Variants in MYCT1 observed in about 807,000 individuals in gnomAD.
MYCT1 encodes MYC target 1.
Under a neutral mutation model 15.0 loss-of-function variants are expected in MYCT1, and 12 were observed. That is an observed-to-expected ratio of 0.80 (90% CI 0.51 to 1.29). MYCT1 has a LOEUF of 1.29. MYCT1 is among the 50% of genes most tolerant of loss of function. MYCT1 has a pLI of 0.00. For synonymous variants in MYCT1, 104 were observed against 102.7 expected (o/e 1.01, Z -0.07); for missense variants, 287 against 279.1 (o/e 1.03, Z -0.20).
At chr6:152,739,087 A>T in the MYCT1 span, among the ~76,000 whole-genome samples, 1 of 151,984 alleles carries the variant, frequency 6.6e-6, no homozygotes, top group South Asian at 2.1e-4. Context: ...TTTTTAGGAT[A>T]CACAAAGGAT....
At chr6:152,730,276 G>A in the MYCT1 span, among the ~76,000 whole-genome samples, 16 of 152,074 alleles carry the variant, frequency 1.1e-4, no homozygotes, top group Non-Finnish European at 2.2e-4. Flanking sequence ...ATCTTCAGAC[G>A]GAAAGTCCAA....
At chr6:152,715,637 T>C (rs767753419) in intron 1 of MYCT1, among the ~76,000 whole-genome samples, 30 of 152,192 alleles carry the variant, frequency 2.0e-4, no homozygotes, top group Non-Finnish European at 3.7e-4. Flanking sequence ...AAGAATTCCA[T>C]TTAGGCTTCA....
At chr6:152,703,940 T>TTTTTATTTA (rs2099721758) in intron 1 of MYCT1, among the ~76,000 whole-genome samples, 2 of 123,082 alleles carry the variant, frequency 1.6e-5, no homozygotes, top group Admixed American at 8.3e-5. Context: ...TTTTCCCTGT[T>TTTTTATTTA]TTTTATTTTA....
chr6:152,740,730 G>A, the MYCT1 span, among the ~76,000 whole-genome samples: 2 of 152,034 alleles, frequency 1.3e-5, no homozygotes, highest in African/African-American at 4.8e-5. Flanking sequence ...AAGAAAGTGA[G>A]AACAAAAGGA....
chr6:152,726,166 G>A (rs965175245), downstream of MYCT1, among the ~76,000 whole-genome samples: 2 of 152,050 alleles, frequency 1.3e-5, no homozygotes, highest in African/African-American at 4.8e-5. Flanking sequence ...GGAGGCCGAG[G>A]CGGGCAGATC....
chr6:152,721,670 A>G lies in MYCT1; in HGVS notation c.197-72A>G, dbSNP rs960420925. The G allele has an allele frequency of 6.5e-6, 9 of 1,382,930 alleles. No individual in the cohort carries two copies. In the Admixed American group the frequency reaches 1.4e-4, roughly 22 times the overall value. 85.7% of individuals were successfully genotyped at this position (1,382,930 alleles called of 1,614,324 possible). A position where few individuals can be genotyped will look rare whatever the true frequency, so the allele number is the denominator to read the frequency against. On this transcript the variant is annotated intron_variant, in intron 1 of 1. Coordinates refer to ENST00000367245, the MANE Select transcript of MYCT1 (RefSeq NM_025107.3). ...TCATGTATTCTTTGAATTACAGTAT[A>G]TATGCTGACCCTTGTTTTTAGTTGA... is the stretch of plus-strand genomic sequence containing the variant.
the MYCT1 span, among the ~76,000 whole-genome samples, chr6:152,733,785 C>G: frequency 6.6e-6 from 1 of 152,174 alleles, no homozygotes; most frequent in Admixed American, 6.5e-5. Context: ...TCACTAAGGT[C>G]TCTGTTCTTA....
rs755877373 is a variant in MYCT1, at chr6:152,697,950, T to C, written c.48T>C (p.Leu16=). Residue 16 remains leucine, a synonymous_variant, in exon 1 of 2, where the codon CTT becomes CTC. Transcript: ENST00000367245. Reference sequence around the variant, plus strand: ...GGTTGTGTAAAAATTATTTTTCTCTTGCTGTACTACAAAGAGATAGAATCA... The same window carrying C: ...GGTTGTGTAAAAATTATTTTTCTCTCGCTGTACTACAAAGAGATAGAATCA... The part of the protein sequence containing the change: ...YEGLCKNYFS[L]AVLQRDRIKL... 1.2e-6 allele frequency: 2 copies of C among 1,603,110 alleles called. No homozygotes were observed. Among genetic ancestry groups the C allele is most frequent in the African/African-American group, 1.4e-5 (1 of 73,796 alleles).
the MYCT1 span, among the ~76,000 whole-genome samples, chr6:152,730,994 G>A: frequency 1.3e-5 from 2 of 152,098 alleles, no homozygotes; most frequent in African/African-American, 4.8e-5. Context: ...GGTAGAAACA[G>A]AAAATAATAA....
At chr6:152,730,095 T>A in the MYCT1 span, among the ~76,000 whole-genome samples, 2 of 152,248 alleles carry the variant, frequency 1.3e-5, no homozygotes, top group Non-Finnish European at 2.9e-5. Context: ...CTTGTATTTT[T>A]CTTTTTCTTG....
intron 1 of MYCT1, among the ~76,000 whole-genome samples, chr6:152,717,072 T>C (rs1433153109): frequency 2.6e-5 from 4 of 152,124 alleles, no homozygotes; most frequent in Non-Finnish European, 5.9e-5. Context: ...GAATTACATA[T>C]ATGAAAATTT....
intron 1 of MYCT1, among the ~76,000 whole-genome samples, chr6:152,707,893 C>T (rs905595507): frequency 6.6e-6 from 1 of 151,918 alleles, no homozygotes; most frequent in Non-Finnish European, 1.5e-5. Context: ...GCTGTTTTGA[C>T]TATTATAGCT....
chr6:152,706,570 T>A (rs1030262379), intron 1 of MYCT1, among the ~76,000 whole-genome samples: 4 of 152,138 alleles, frequency 2.6e-5, no homozygotes, highest in Non-Finnish European at 5.9e-5. Context: ...TGACAACTTT[T>A]GTGTAATAAA....
At chr6:152,746,740 G>A in the MYCT1 span, among the ~76,000 whole-genome samples, 3 of 152,184 alleles carry the variant, frequency 2.0e-5, no homozygotes, top group East Asian at 1.9e-4. Context: ...TCAGGAAATC[G>A]TCTGATACAT....
chr6:152,703,187 C>G (rs2129068308), intron 1 of MYCT1, among the ~76,000 whole-genome samples: 1 of 152,256 alleles, frequency 6.6e-6, no homozygotes, highest in South Asian at 2.1e-4. Context: ...CCTATTGTAA[C>G]TATATGTAGT....
intron 1 of MYCT1, among the ~76,000 whole-genome samples, chr6:152,720,759 G>A (rs1319388954): frequency 1.3e-5 from 2 of 152,046 alleles, no homozygotes; most frequent in South Asian, 4.1e-4. Context: ...GAGGGGAAAC[G>A]TTGGGGACAA....
chr6:152,716,038 A>C (rs748001143), intron 1 of MYCT1, among the ~76,000 whole-genome samples: 3 of 152,206 alleles, frequency 2.0e-5, no homozygotes, highest in Non-Finnish European at 4.4e-5. Flanking sequence ...TGCATTGAGC[A>C]CATTGTTGGG....
the MYCT1 span, among the ~76,000 whole-genome samples, chr6:152,738,170 G>A: frequency 6.6e-6 from 1 of 152,004 alleles, no homozygotes; most frequent in Non-Finnish European, 1.5e-5. Flanking sequence ...CATGGAAAAT[G>A]TCTGGCTAAA....
the MYCT1 span, among the ~76,000 whole-genome samples, chr6:152,732,528 A>G: frequency 6.6e-6 from 1 of 152,206 alleles, no homozygotes; most frequent in African/African-American, 2.4e-5. Context: ...CAATAAAAAT[A>G]CATAAATATG....
Sources: allele counts gnomAD v4.1 joint callset (sites outside exome capture counted in the v4.1 genomes callset), GRCh38; gene constraint gnomAD v4.1.1; transcripts MANE v1.5; gene names NCBI Gene and HGNC (gene_info 2026-07-23, HGNC 2026-07-21).